KDM4C: variants seen among roughly 807,000 people sequenced by gnomAD.
KDM4C encodes the protein lysine demethylase 4C, also known as lysine-specific demethylase 4C.
In KDM4C, 81 loss-of-function variants were observed where a neutral mutation model predicts 129.3. The observed-to-expected ratio is 0.63, with a 90% CI of 0.52 to 0.75. The LOEUF (loss-of-function observed/expected upper bound fraction) is 0.75, where lower values mean the gene tolerates loss of function less well. Among genes scored for constraint, KDM4C ranks in the 30% least tolerant of loss-of-function variants. KDM4C has a pLI of 0.00. For synonymous variants in KDM4C, 573 were observed against 456.1 expected (o/e 1.26, Z -3.26); for missense variants, 1,457 against 1,304.0 (o/e 1.12, Z -1.81).
intron 12 of KDM4C, among the ~76,000 whole-genome samples, chr9:6,994,398 C>T (rs1326807389): frequency 6.6e-6 from 1 of 152,090 alleles, no homozygotes; most frequent in Non-Finnish European, 1.5e-5. Context: ...TGTTTCAATC[C>T]CTTGTCACCA....
At chr9:6,837,658 T>C (rs1836132518) in intron 4 of KDM4C, among the ~76,000 whole-genome samples, 1 of 152,208 alleles carries the variant, frequency 6.6e-6, no homozygotes, top group Non-Finnish European at 1.5e-5. Context: ...TTATGAACTG[T>C]CCTCTATTTT....
intron 18 of KDM4C, among the ~76,000 whole-genome samples, chr9:7,127,530 A>G (rs1220861895): frequency 1.3e-5 from 2 of 152,226 alleles, no homozygotes; most frequent in African/African-American, 4.8e-5. Context: ...AAGTAGCACT[A>G]CCATAAACAA....
rs74479611 is a variant in KDM4C, at chr9:6,837,597, A to G, written c.436-11910A>G. 3.3e-4 allele frequency among the ~76,000 whole-genome samples: 50 copies of G among 152,326 alleles called. No homozygotes were observed. The East Asian group carries it at 9.3e-3, about 28-fold the overall frequency. On this transcript the variant is annotated intron_variant, in intron 4 of 21. Transcript: ENST00000381309. ...TGAATTTGCACCTCTCTGATTAAAA[A>G]TGGCTTAGAATATCTTTTCATGTCT...
intron 15 of KDM4C, among the ~76,000 whole-genome samples, chr9:7,033,342 G>A (rs1286974490): frequency 1.3e-5 from 2 of 152,156 alleles, no homozygotes; most frequent in Non-Finnish European, 2.9e-5. Context: ...CTTCCCTACT[G>A]TGGTGTCTCT....
At chr9:7,146,960 T>G (rs1181617046) in intron 19 of KDM4C, among the ~76,000 whole-genome samples, 1 of 152,212 alleles carries the variant, frequency 6.6e-6, no homozygotes, top group African/African-American at 2.4e-5. Flanking sequence ...CCAAGGGTTT[T>G]GTCTCCTCCC....
chr9:6,730,991 A>C (rs1817313348), intron 1 of KDM4C, among the ~76,000 whole-genome samples: 1 of 152,202 alleles, frequency 6.6e-6, no homozygotes, highest in Non-Finnish European at 1.5e-5. Context: ...ATACAGAAGT[A>C]CAGAGTCCTT....
At chr9:7,148,674 T>G (rs1842441051) in intron 19 of KDM4C, among the ~76,000 whole-genome samples, 1 of 152,168 alleles carries the variant, frequency 6.6e-6, no homozygotes, top group Admixed American at 6.5e-5. Flanking sequence ...AGAATGAGAT[T>G]ATGTGGACAA....
chr9:6,738,909 G>A (rs948772688), intron 1 of KDM4C, among the ~76,000 whole-genome samples: 1 of 151,454 alleles, frequency 6.6e-6, no homozygotes, highest in Non-Finnish European at 1.5e-5. Flanking sequence ...TATATTTTTT[G>A]TAGAGATGGG....
In KDM4C at chr9:7,013,986, G is replaced by T. The variant is rs142903318; in HGVS notation, c.2167G>T (p.Val723Leu). 8 of 1,612,768 alleles carry T rather than the reference G, an allele frequency of 5.0e-6. No individual in the cohort carries two copies. The Admixed American group carries it at 1.0e-4, about 20-fold the overall frequency. ...CCTTATTTCCTGTGCAAAGTGCTGC[G>T]TACGGGTTCATGCAAGTAAATGGAT... ...SLLISCAKCC[V>L]RVHASCYGIP... Residue 723 changes from valine (V) to leucine (L), a missense_variant, in exon 14 of 22, where the codon GTA (valine) becomes TTA (leucine). Physicochemically the swap from Val to Leu is conservative, Grantham distance 32. Transcript: ENST00000381309.
chr9:6,910,166 G>A (rs1410433873), intron 8 of KDM4C, among the ~76,000 whole-genome samples: 2 of 152,078 alleles, frequency 1.3e-5, no homozygotes, highest in Non-Finnish European at 2.9e-5. Context: ...ACCTTCAGAT[G>A]CCATGAGGTT....
intron 17 of KDM4C, among the ~76,000 whole-genome samples, chr9:7,078,733 G>T (rs1342738586): frequency 6.6e-6 from 1 of 152,138 alleles, no homozygotes; most frequent in East Asian, 1.9e-4. Flanking sequence ...CAAATATGCT[G>T]AAATATCTAT....
At chr9:6,886,467 C>T (rs1845277797) in intron 6 of KDM4C, among the ~76,000 whole-genome samples, 1 of 150,850 alleles carries the variant, frequency 6.6e-6, no homozygotes, top group South Asian at 2.1e-4. Context: ...CACGCACCAC[C>T]ATGCCCGCCT....
At chr9:6,750,429 ACT>A (rs1461809117) in intron 1 of KDM4C, among the ~76,000 whole-genome samples, 8 of 148,550 alleles carry the variant, frequency 5.4e-5, no homozygotes, top group African/African-American at 2.0e-4. Flanking sequence ...ACAGATTGAG[ACT>A]CTGTCTCAAA....
chr9:6,825,759 A>G (rs1289003573), intron 4 of KDM4C, among the ~76,000 whole-genome samples: 1 of 152,234 alleles, frequency 6.6e-6, no homozygotes. Flanking sequence ...TGGAAAAGTG[A>G]TAGAAAATTT....
chr9:6,858,358 C>T (rs1042818001), intron 5 of KDM4C, among the ~76,000 whole-genome samples: 19 of 151,846 alleles, frequency 1.3e-4, no homozygotes, highest in Non-Finnish European at 2.4e-4. Flanking sequence ...ACCACCACCA[C>T]GACCACCACC....
At chr9:7,065,795 G>T (rs1179646319) in intron 17 of KDM4C, among the ~76,000 whole-genome samples, 1 of 152,150 alleles carries the variant, frequency 6.6e-6, no homozygotes, top group Non-Finnish European at 1.5e-5. Context: ...AGTGTCACTT[G>T]TTGATGCATT....
chr9:6,735,892 T>C (rs1159963155), intron 1 of KDM4C, among the ~76,000 whole-genome samples: 1 of 152,134 alleles, frequency 6.6e-6, no homozygotes, highest in Non-Finnish European at 1.5e-5. Context: ...GTGGGAAAGT[T>C]TGGCACTCCC....
At chr9:7,007,851 C>T (rs1821963773) in intron 12 of KDM4C, among the ~76,000 whole-genome samples, 1 of 152,086 alleles carries the variant, frequency 6.6e-6, no homozygotes, top group Non-Finnish European at 1.5e-5. Flanking sequence ...CATAAAGTTA[C>T]ATTTATTTTC....
rs536251115 is a variant in KDM4C at position 6,938,635 on chromosome 9, A to G, written c.922-42290A>G. Among the ~76,000 whole-genome samples, 3 of 152,282 alleles carry G rather than the reference A, an allele frequency of 2.0e-5. No homozygotes were observed. The South Asian group carries it at 6.2e-4, about 32-fold the overall frequency. ...TGATTTTTATAGCTTCCCTTGGGAA[A>G]CCACAAGATTCCAAATCACTCCAGC... On this transcript the variant is annotated intron_variant, in intron 8 of 21. Transcript: ENST00000381309.
Sources: gnomAD v4.1 joint callset for allele counts (sites outside exome capture counted in the v4.1 genomes callset) on GRCh38, gnomAD v4.1.1 for gene constraint, MANE v1.5 for transcripts, NCBI Gene and HGNC (gene_info 2026-07-23, HGNC 2026-07-21) for gene names.